SAMD12: variants seen among roughly 807,000 people sequenced by gnomAD.
SAMD12 encodes sterile alpha motif domain containing 12.
Under a neutral mutation model 15.0 loss-of-function variants are expected in SAMD12, and 9 were observed. The ratio of observed to expected loss-of-function variants is 0.60; its 90% CI spans 0.36 to 1.05. The LOEUF (loss-of-function observed/expected upper bound fraction) is 1.05. SAMD12 is among the 50% of genes least tolerant of loss of function. The pLI is 0.01. For missense variants in SAMD12, 230 were observed against 234.2 expected (o/e 0.98, Z 0.12); for synonymous variants, 86 against 90.1 (o/e 0.96, Z 0.25).
intron 3 of SAMD12, among the ~76,000 whole-genome samples, chr8:118,396,603 G>A (rs1820582458): frequency 6.6e-6 from 1 of 152,178 alleles, no homozygotes; most frequent in African/African-American, 2.4e-5. Context: ...TCATTTTAAA[G>A]TTAAGAAATG....
At chr8:118,191,177 C>T (rs1258227076) in exon 5 of SAMD12, 4 of 152,132 alleles carry the variant, frequency 2.6e-5, no homozygotes, top group Admixed American at 2.0e-4. Flanking sequence ...GACTGTGACA[C>T]ACAGTACAAA....
At chr8:118,173,635 T>TC in the SAMD12 span, among the ~76,000 whole-genome samples, 477 of 143,756 alleles carry the variant, frequency 3.3e-3, 3 homozygotes, top group African/African-American at 0.012. Context: ...ATCCATAACT[T>TC]TTTTTTTTTT....
chr8:118,521,073 T>C (rs1825376504), intron 2 of SAMD12, among the ~76,000 whole-genome samples: 1 of 152,222 alleles, frequency 6.6e-6, no homozygotes, highest in African/African-American at 2.4e-5. Context: ...ATCTAGTCCA[T>C]GTCAGTGAGA....
chr8:118,548,007 G>T (rs1442202525), intron 2 of SAMD12, among the ~76,000 whole-genome samples: 4 of 152,088 alleles, frequency 2.6e-5, no homozygotes, highest in Admixed American at 2.0e-4. Flanking sequence ...GTCACTCGAG[G>T]TTACCAAACC....
chr8:118,398,880 TG>T (rs201592745), intron 3 of SAMD12, among the ~76,000 whole-genome samples: 2,167 of 152,190 alleles, frequency 0.014, 55 homozygotes, highest in African/African-American at 0.048. Flanking sequence ...CTGTTTTTTT[TG>T]TGTGTGTTTG....
At chr8:118,175,487 A>C in the SAMD12 span, among the ~76,000 whole-genome samples, 1 of 152,250 alleles carries the variant, frequency 6.6e-6, no homozygotes, top group African/African-American at 2.4e-5. Flanking sequence ...ATAAAATTTG[A>C]CAAGTGGGAG....
In SAMD12 at chr8:118,571,412, CTGCAGAAATT is replaced by C. The variant is rs560466683; in HGVS notation, c.192+9293_192+9302del. On this transcript the variant is annotated intron_variant, in intron 2 of 3. Transcript: ENST00000314727. The stretch of plus-strand genomic sequence containing the variant: ...TTTTCTGGGGAGAAATTCAAGCTGG[CTGCAGAAATT>C]TGCAGAAATTTGCATAACTAACGAG... Among the ~76,000 whole-genome samples, 356 of 152,322 alleles carry C rather than the reference CTGCAGAAATT, an allele frequency of 2.3e-3. 2 individuals carry two copies. The highest frequency in any genetic ancestry group is 7.0e-3 in the African/African-American group (292 of 41,568).
chr8:118,389,009 GA>G (rs1255783437), intron 3 of SAMD12, among the ~76,000 whole-genome samples: 1 of 152,140 alleles, frequency 6.6e-6, no homozygotes, highest in East Asian at 1.9e-4. Flanking sequence ...AGTGGACAGG[GA>G]TAAGCTAGTT....
chr8:118,322,584 C>A (rs1442161163), intron 4 of SAMD12, among the ~76,000 whole-genome samples: 1 of 152,214 alleles, frequency 6.6e-6, no homozygotes, highest in Non-Finnish European at 1.5e-5. Flanking sequence ...ACTAAAAAGA[C>A]CCTTCTCTCT....
chr8:118,455,185 T>C (rs1251825259), intron 2 of SAMD12, among the ~76,000 whole-genome samples: 2 of 152,022 alleles, frequency 1.3e-5, no homozygotes, highest in African/African-American at 2.4e-5. Context: ...AGACTACAAC[T>C]TCCTTCCTGT....
chr8:118,215,288 C>T (rs1313203254), intron 4 of SAMD12, among the ~76,000 whole-genome samples: 2 of 152,128 alleles, frequency 1.3e-5, no homozygotes, highest in Non-Finnish European at 2.9e-5. Flanking sequence ...AGAAGAGCTG[C>T]ATAGTTATAG....
At chr8:118,343,204 T>C (rs1817460319) in intron 4 of SAMD12, among the ~76,000 whole-genome samples, 1 of 152,004 alleles carries the variant, frequency 6.6e-6, no homozygotes, top group South Asian at 2.1e-4. Flanking sequence ...TCTCCTCTAC[T>C]CAGCCACTTC....
intron 2 of SAMD12, among the ~76,000 whole-genome samples, chr8:118,529,755 T>A (rs1462064886): frequency 2.0e-5 from 3 of 152,184 alleles, no homozygotes; most frequent in Non-Finnish European, 1.5e-5. Context: ...CAGTATTCCA[T>A]GATATGTATG....
chr8:118,439,786 G>C, intron 3 of SAMD12, 46 bp downstream of exon 3: 1 of 1,592,528 alleles, frequency 6.3e-7, no homozygotes, highest in Non-Finnish European at 8.6e-7. Flanking sequence ...TATCGTGACT[G>C]GGAGAAAGAA....
At chr8:118,515,835 T>C (rs1429324943) in intron 2 of SAMD12, among the ~76,000 whole-genome samples, 2 of 152,230 alleles carry the variant, frequency 1.3e-5, no homozygotes, top group Non-Finnish European at 2.9e-5. Flanking sequence ...GCATGGTACT[T>C]TGAATGCCTT....
At chr8:118,366,881 T>TAATAAAATAAAATAAAATAATAA in intron 4 of SAMD12, among the ~76,000 whole-genome samples, 1 of 52,362 alleles carries the variant, frequency 1.9e-5, no homozygotes, top group East Asian at 4.2e-4. Context: ...TAAAATAAAA[T>TAATAAAATAAAATAAAATAATAA]AATAAAATAA....
chr8:118,474,273 T>C (rs1375709148), intron 2 of SAMD12, among the ~76,000 whole-genome samples: 2 of 152,198 alleles, frequency 1.3e-5, no homozygotes, highest in South Asian at 4.1e-4. Context: ...GAGCTATTTT[T>C]ATTCAAAGCC....
At chr8:118,215,091 T>C (rs889369053) in intron 4 of SAMD12, among the ~76,000 whole-genome samples, 2 of 152,206 alleles carry the variant, frequency 1.3e-5, no homozygotes, top group African/African-American at 4.8e-5. Context: ...ATAAATCAAG[T>C]TAAGGACAAA....
intron 2 of SAMD12, among the ~76,000 whole-genome samples, chr8:118,506,089 A>G (rs1297578779): frequency 6.6e-6 from 1 of 152,144 alleles, no homozygotes; most frequent in Non-Finnish European, 1.5e-5. Flanking sequence ...TGTCTCGGTT[A>G]ATTGCTAACA....
Sources: gnomAD v4.1 joint callset for allele counts (sites outside exome capture counted in the v4.1 genomes callset) on GRCh38, gnomAD v4.1.1 for gene constraint, MANE v1.5 for transcripts, NCBI Gene and HGNC (gene_info 2026-07-23, HGNC 2026-07-21) for gene names.